HMGCLL1: variants seen among roughly 807,000 people sequenced by gnomAD.
The protein encoded by HMGCLL1 is 3-hydroxy-3-methylglutaryl-CoA lyase like 1, also known as 3-hydroxymethyl-3-methylglutaryl-CoA lyase, cytoplasmic.
In HMGCLL1, 36 loss-of-function variants were observed where a neutral mutation model predicts 39.1. The observed-to-expected ratio is 0.92, with a 90% confidence interval of 0.71 to 1.22. The LOEUF (loss-of-function observed/expected upper bound fraction) is 1.22, where lower values mean the gene tolerates loss of function less well. Among genes scored for constraint, HMGCLL1 ranks in the 50% most tolerant of loss-of-function variants. HMGCLL1 has a pLI of 0.00. For synonymous variants in HMGCLL1, 149 were observed against 144.0 expected, an observed-to-expected ratio of 1.03 and a Z score of -0.25; for missense variants, 451 against 416.5, an observed-to-expected ratio of 1.08 and a Z score of -0.72.
At chr6:55,671,485 A>G in the HMGCLL1 span, among the ~76,000 whole-genome samples, 358 of 152,016 alleles carry the variant, frequency 2.4e-3, 4 homozygotes, top group East Asian at 0.017. Flanking sequence ...AGCGAAACTA[A>G]CAGAACTGAA....
intron 3 of HMGCLL1, among the ~76,000 whole-genome samples, chr6:55,528,933 CA>C (rs1259152626): frequency 6.6e-6 from 1 of 151,964 alleles, no homozygotes; most frequent in African/African-American, 2.4e-5. Flanking sequence ...CTAATGTCTA[CA>C]AGTATTCATT....
chr6:55,466,130 C>G (rs1706329120), intron 7 of HMGCLL1, among the ~76,000 whole-genome samples: 1 of 152,014 alleles, frequency 6.6e-6, no homozygotes, highest in African/African-American at 2.4e-5. Flanking sequence ...GATCCAGAAC[C>G]CTACAAGCCT....
chr6:55,667,559 A>G, the HMGCLL1 span, among the ~76,000 whole-genome samples: 1 of 151,866 alleles, frequency 6.6e-6, no homozygotes, highest in South Asian at 2.1e-4. Context: ...TGTGTTCTGT[A>G]CTCTACACAT....
Position 55,435,522 on chromosome 6 carries a change from T to C in HMGCLL1, c.*140A>G, listed in dbSNP as rs1763333585. The C allele has an allele frequency of 1.3e-5, 6 of 452,882 alleles. No homozygotes were observed. Among genetic ancestry groups the C allele is most frequent in the Non-Finnish European group, 2.4e-5 (6 of 250,474 alleles). 28.1% of individuals were successfully genotyped at this position (452,882 alleles called of 1,614,324 possible). A position where few individuals can be genotyped will look rare whatever the true frequency, so the allele number is the denominator to read the frequency against. ...TTTGTTGACTTAATCTATCCAGTTA[T>C]AATCTTTTTGAAAAGGATCTCTTTT... is the stretch of plus-strand genomic sequence containing the variant. On this transcript the variant is annotated 3_prime_UTR_variant, in exon 9 of 9. Coordinates refer to ENST00000274901, the MANE Select transcript of HMGCLL1 (RefSeq NM_001042406.2).
chr6:55,620,710 TG>T, the HMGCLL1 span, among the ~76,000 whole-genome samples: 1 of 151,974 alleles, frequency 6.6e-6, no homozygotes, highest in Admixed American at 6.6e-5. Flanking sequence ...GTTTCTCCAA[TG>T]TTTTCTTTTA....
chr6:55,477,288 TATAA>T (rs1765427937), intron 7 of HMGCLL1, among the ~76,000 whole-genome samples: 1 of 16,516 alleles, frequency 6.1e-5, no homozygotes, highest in African/African-American at 7.4e-4. Flanking sequence ...ATATATTATA[TATAA>T]AATAATATAT....
At chr6:55,542,838 ATT>A (rs1263408793) in intron 1 of HMGCLL1, among the ~76,000 whole-genome samples, 6 of 136,338 alleles carry the variant, frequency 4.4e-5, no homozygotes, top group Non-Finnish European at 7.6e-5. Context: ...ATATATATGT[ATT>A]ATATATAAAT....
the HMGCLL1 span, among the ~76,000 whole-genome samples, chr6:55,644,135 A>C: frequency 0.35 from 53,007 of 151,826 alleles, 9,617 homozygotes; most frequent in African/African-American, 0.44. Flanking sequence ...GTAGTTTTGA[A>C]TTGCATTTCT....
At chr6:55,451,156 T>A (rs7767129) in intron 7 of HMGCLL1, among the ~76,000 whole-genome samples, 45,680 of 151,908 alleles carry the variant, frequency 0.3, 7,231 homozygotes, top group African/African-American at 0.42. Context: ...ACAATATTGT[T>A]CTGACAATAT....
chr6:55,616,311 C>A, the HMGCLL1 span, among the ~76,000 whole-genome samples: 2 of 152,076 alleles, frequency 1.3e-5, no homozygotes, highest in African/African-American at 4.8e-5. Flanking sequence ...CTAAGGCCAT[C>A]ATGTAAACAA....
At chr6:55,544,106 A>G (rs924585517) in intron 1 of HMGCLL1, among the ~76,000 whole-genome samples, 4 of 152,068 alleles carry the variant, frequency 2.6e-5, no homozygotes, top group African/African-American at 9.7e-5. Context: ...TGGAACCTAT[A>G]CCACAATAAC....
the HMGCLL1 span, among the ~76,000 whole-genome samples, chr6:55,672,185 T>G: frequency 6.6e-6 from 1 of 151,824 alleles, no homozygotes; most frequent in Non-Finnish European, 1.5e-5. Context: ...TAGTTTCAAT[T>G]ATATTTAAAA....
chr6:55,466,645 C>T (rs947018892), intron 7 of HMGCLL1, among the ~76,000 whole-genome samples: 2 of 152,076 alleles, frequency 1.3e-5, no homozygotes, highest in African/African-American at 4.8e-5. Flanking sequence ...TGAGGTCCTA[C>T]TACCTCTTAA....
the HMGCLL1 span, among the ~76,000 whole-genome samples, chr6:55,599,817 A>G: frequency 1.3e-5 from 2 of 152,158 alleles, no homozygotes; most frequent in Non-Finnish European, 2.9e-5. Context: ...GTGAAAACAA[A>G]TGTACTGCCA....
At chr6:55,483,483 C>T (rs1409310179) in intron 7 of HMGCLL1, among the ~76,000 whole-genome samples, 1 of 151,932 alleles carries the variant, frequency 6.6e-6, no homozygotes, top group African/African-American at 2.4e-5. Flanking sequence ...CAGGATGGTC[C>T]CGATCTCTTG....
chr6:55,468,773 C>T (rs565313684), intron 7 of HMGCLL1, among the ~76,000 whole-genome samples: 1 of 151,972 alleles, frequency 6.6e-6, no homozygotes, highest in East Asian at 1.9e-4. Flanking sequence ...AGAGGCAGTG[C>T]TTGTAACTAC....
At chr6:55,546,585 C>A (rs72986062) in intron 1 of HMGCLL1, among the ~76,000 whole-genome samples, 1,718 of 152,180 alleles carry the variant, frequency 0.011, 14 homozygotes, top group Non-Finnish European at 0.017. Context: ...AACTAGCTTA[C>A]ATTTTAGTGC....
chr6:55,524,611 G>A (rs1006621866), intron 3 of HMGCLL1, among the ~76,000 whole-genome samples: 10 of 151,890 alleles, frequency 6.6e-5, no homozygotes, highest in Non-Finnish European at 1.2e-4. Flanking sequence ...ATATCAATTA[G>A]CAAGAGCACA....
intron 3 of HMGCLL1, among the ~76,000 whole-genome samples, chr6:55,533,109 C>T (rs1232232669): frequency 6.6e-6 from 1 of 151,234 alleles, no homozygotes; most frequent in African/African-American, 2.4e-5. Context: ...TATATCATCA[C>T]TATTTGTAAA....
Sources: gnomAD v4.1 joint callset for allele counts (sites outside exome capture counted in the v4.1 genomes callset) on GRCh38, gnomAD v4.1.1 for gene constraint, MANE v1.5 for transcripts, NCBI Gene and HGNC (gene_info 2026-07-23, HGNC 2026-07-21) for gene names.